ACO1: variants seen among roughly 807,000 people sequenced by gnomAD.
The protein encoded by ACO1 is cytoplasmic aconitate hydratase.
Under a neutral mutation model 105.1 loss-of-function variants are expected in ACO1, and 78 were observed. That is an observed-to-expected ratio of 0.74 (90% CI 0.62 to 0.90). The LOEUF (loss-of-function observed/expected upper bound fraction) is 0.90, where lower values mean the gene tolerates loss of function less well. Ranked by LOEUF, ACO1 falls within the 40% of genes least tolerant of loss-of-function variation. The pLI is 0.00. For synonymous variants in ACO1, 364 were observed against 397.4 expected, an observed-to-expected ratio of 0.92 and a Z score of 1.00; for missense variants, 965 against 1,111.1, an observed-to-expected ratio of 0.87 and a Z score of 1.87.
chr9:32,447,344 C>T (rs1342727398), intron 19 of ACO1, among the ~76,000 whole-genome samples: 1 of 152,002 alleles, frequency 6.6e-6, no homozygotes, highest in African/African-American at 2.4e-5. Context: ...TCTTTTCTTC[C>T]ACTTGATCAA....
Position 32,433,832 on chromosome 9 carries a change from G to T in ACO1, c.1956G>T (p.Leu652=). 6.3e-7 allele frequency: 1 copy of T among 1,585,876 alleles called. No homozygotes were observed. The highest frequency in any genetic ancestry group is 8.6e-7 in the Non-Finnish European group (1 of 1,167,634). ...YIKSPPFFEN[L]TLDLQPPKSI... is the part of the protein sequence containing the mutation. The stretch of plus-strand genomic sequence containing the variant: ...AATCACCACCATTCTTTGAAAACCT[G>T]GTATGGCTTTTTATTTTTTAACAAA... Residue 652 remains leucine, a splice_region_variant and synonymous_variant, in exon 16 of 21, where the codon CTG becomes CTT. Transcript: ENST00000309951.
chr9:32,423,420 G>T lies in ACO1; in HGVS notation c.1071+1G>T. On this transcript the variant is annotated splice_donor_variant, in intron 9 of 20. Coordinates refer to ENST00000309951, the MANE Select transcript of ACO1 (RefSeq NM_002197.3). LOFTEE classifies it high-confidence loss of function. ...TTCTCAAGACCCAGACTTCACCCAG[G>T]TATGAGAGTGCCTTCCACTGTGCAT... The T allele has an allele frequency of 1.3e-6, 2 of 1,577,914 alleles. No homozygotes were observed. The highest frequency in any genetic ancestry group is 1.7e-6 in the Non-Finnish European group (2 of 1,155,384).
At chr9:32,414,477 GT>G (rs1821807503) in intron 4 of ACO1, among the ~76,000 whole-genome samples, 1 of 152,196 alleles carries the variant, frequency 6.6e-6, no homozygotes, top group Non-Finnish European at 1.5e-5. Flanking sequence ...TAGATGTTTT[GT>G]TTTCCTGAGT....
At chr9:32,391,052 T>C (rs1821258121) in intron 1 of ACO1, among the ~76,000 whole-genome samples, 1 of 152,248 alleles carries the variant, frequency 6.6e-6, no homozygotes, top group Non-Finnish European at 1.5e-5. Context: ...AGGCTACATT[T>C]AGAGCTTACC....
chr9:32,389,669 CT>C (rs5897504), intron 1 of ACO1, among the ~76,000 whole-genome samples: 77,157 of 143,520 alleles, frequency 0.54, 20,994 homozygotes, highest in African/African-American at 0.65. Context: ...GCCTTCATTT[CT>C]TTTTTTTTTT....
chr9:32,452,508 G>C lies in ACO1; in HGVS notation c.*2397G>C, dbSNP rs1822790248. On this transcript the variant is annotated 3_prime_UTR_variant, in exon 21 of 21. Transcript: ENST00000309951. ...CAGTGCCTTGAACCTAGACTTTCCA[G>C]CCAGAACTGTGAGAAATTTCTATTG... 1 of 152,252 alleles carries C rather than the reference G, an allele frequency of 6.6e-6. No homozygotes were observed. The highest frequency in any genetic ancestry group is 2.4e-5 in the African/African-American group (1 of 41,436). The allele number at this position is 152,252 out of a possible 1,614,324, so 9.4% of individuals were successfully genotyped here. A position where few individuals can be genotyped will look rare whatever the true frequency, so the allele number is the denominator to read the frequency against.
chr9:32,442,439 A>G (rs1259501862), intron 19 of ACO1, among the ~76,000 whole-genome samples: 1 of 152,202 alleles, frequency 6.6e-6, no homozygotes, highest in African/African-American at 2.4e-5. Context: ...ATATTATATG[A>G]CAGTTATTAA....
chr9:32,411,730 T>C (rs1191541669), intron 4 of ACO1, among the ~76,000 whole-genome samples: 1 of 152,164 alleles, frequency 6.6e-6, no homozygotes, highest in Non-Finnish European at 1.5e-5. Context: ...ATTATGAAGG[T>C]GTTATAAGGG....
intron 1 of ACO1, among the ~76,000 whole-genome samples, chr9:32,388,588 T>G (rs1234546114): frequency 6.6e-6 from 1 of 152,352 alleles, no homozygotes; most frequent in South Asian, 2.1e-4. Context: ...ACTGTGTGTG[T>G]ATACCTGTGT....
chr9:32,428,042 G>C (rs895651997), intron 12 of ACO1, among the ~76,000 whole-genome samples: 10 of 152,000 alleles, frequency 6.6e-5, no homozygotes, highest in Non-Finnish European at 1.3e-4. Context: ...TGGGAGGCCA[G>C]GGCAAGAGGA....
intron 19 of ACO1, among the ~76,000 whole-genome samples, chr9:32,445,138 G>A (rs989856921): frequency 1.7e-4 from 26 of 152,094 alleles, no homozygotes; most frequent in Admixed American, 1.2e-3. Context: ...AAATGAGTTC[G>A]GGAGGATTCC....
chr9:32,437,761 G>GT (rs1433387315), intron 18 of ACO1, among the ~76,000 whole-genome samples: 4 of 152,078 alleles, frequency 2.6e-5, no homozygotes, highest in African/African-American at 9.7e-5. Context: ...TTCATTTTCT[G>GT]TTGCTATGAA....
At chr9:32,430,691 A>T in intron 14 of ACO1, 117 bp downstream of exon 14, 1 of 1,167,214 alleles carries the variant, frequency 8.6e-7, no homozygotes, top group South Asian at 1.7e-5. Flanking sequence ...TAAGACAAAG[A>T]AGAGAATAAT....
At chr9:32,424,901 C>T (rs922252301) in intron 10 of ACO1, among the ~76,000 whole-genome samples, 1 of 135,320 alleles carries the variant, frequency 7.4e-6, no homozygotes, top group Non-Finnish European at 1.6e-5. Context: ...TTTCACAGGA[C>T]CCTCACCACA....
chr9:32,385,701 A>G (rs1403057108), intron 1 of ACO1, among the ~76,000 whole-genome samples: 3 of 152,232 alleles, frequency 2.0e-5, no homozygotes, highest in South Asian at 4.1e-4. Flanking sequence ...GTCTGTTGCA[A>G]TATCACATAT....
chr9:32,430,945 T>C lies in ACO1; in HGVS notation c.1726+371T>C, dbSNP rs1014840033. On this transcript the variant is annotated intron_variant, in intron 14 of 20. Transcript: ENST00000309951. Reference sequence around the variant, plus strand: ...CTCAGAATTCCAAAGAAATGATACATCATTTCCTTTCCCCAGATCAGCTTG... The same window carrying C: ...CTCAGAATTCCAAAGAAATGATACACCATTTCCTTTCCCCAGATCAGCTTG... Among the ~76,000 whole-genome samples the C allele has an allele frequency of 3.9e-5, 6 of 152,182 alleles. No individual in the cohort carries two copies. In the East Asian group the frequency reaches 1.2e-3, roughly 29 times the overall value.
chr9:32,407,914 G>A (rs889692431), intron 3 of ACO1, among the ~76,000 whole-genome samples: 2 of 152,118 alleles, frequency 1.3e-5, no homozygotes, highest in Non-Finnish European at 2.9e-5. Flanking sequence ...GCTATTTTTA[G>A]ATATCCTTGC....
intron 1 of ACO1, among the ~76,000 whole-genome samples, chr9:32,385,592 GA>G (rs898759726): frequency 6.6e-6 from 1 of 152,108 alleles, no homozygotes; most frequent in African/African-American, 2.4e-5. Context: ...TCCCAAAACA[GA>G]AAATGATTGA....
At chr9:32,418,904 T>G in intron 6 of ACO1, 134 bp from the exon 7 acceptor site, 1 of 1,114,236 alleles carries the variant, frequency 9.0e-7, no homozygotes, top group South Asian at 2.8e-5. Flanking sequence ...ATAACTGCTC[T>G]TTATAGAAAC....
Sources: gnomAD v4.1 joint callset for allele counts (sites outside exome capture counted in the v4.1 genomes callset) on GRCh38, gnomAD v4.1.1 for gene constraint, MANE v1.5 for transcripts, NCBI Gene and HGNC (gene_info 2026-07-23, HGNC 2026-07-21) for gene names.